Variants in SOX5 observed in about 807,000 individuals in gnomAD.
The protein encoded by SOX5 is SRY-box transcription factor 5.
In SOX5, 9 loss-of-function variants were observed where a neutral mutation model predicts 92.0. The observed-to-expected ratio is 0.10, with a 90% CI of 0.06 to 0.17. The LOEUF is 0.17. SOX5 is among the 10% of genes least tolerant of loss of function. SOX5 has a pLI of 1.00. For missense variants in SOX5, 642 were observed against 944.5 expected (o/e 0.68, Z 4.20); for synonymous variants, 344 against 336.3 (o/e 1.02, Z -0.25).
At chr12:24,071,626 G>A (rs1334437516) in intron 4 of SOX5, among the ~76,000 whole-genome samples, 3 of 152,002 alleles carry the variant, frequency 2.0e-5, no homozygotes, top group African/African-American at 7.3e-5. Context: ...AGTAGAGACG[G>A]GGTTTTACCA....
At chr12:23,720,736 T>C (rs561345763) in intron 6 of SOX5, among the ~76,000 whole-genome samples, 1 of 152,352 alleles carries the variant, frequency 6.6e-6, no homozygotes, top group East Asian at 1.9e-4. Flanking sequence ...CTAATTGTTC[T>C]CTTAAAAACG....
chr12:24,534,136 T>G (rs1951429481), intron 1 of SOX5, among the ~76,000 whole-genome samples: 1 of 152,208 alleles, frequency 6.6e-6, no homozygotes, highest in Admixed American at 6.5e-5. Flanking sequence ...GGAAGAAACT[T>G]TGAAAAGAGA....
intron 1 of SOX5, among the ~76,000 whole-genome samples, chr12:24,395,799 T>A (rs943076569): frequency 6.6e-5 from 10 of 152,198 alleles, no homozygotes; most frequent in Non-Finnish European, 1.3e-4. Flanking sequence ...TCTAGAAGTC[T>A]CTAGCTGAAA....
chr12:23,563,265 G>A lies in SOX5; in HGVS notation c.1481C>T (p.Thr494Ile), dbSNP rs752462967. The A allele has an allele frequency of 1.1e-5, 18 of 1,611,446 alleles. No homozygotes were observed. In the East Asian group the frequency reaches 4.0e-4, roughly 36 times the overall value. ...VNSLGLNNCR[T>I]EKEKTTLESL... is the part of the protein sequence containing the mutation. The stretch of plus-strand genomic sequence containing the variant: ...GTTATTTTATGAACTGACCTTTTCT[G>A]TTCGGCAGTTATTGAGACCCAGACT... The change falls in exon 11 of 15, where the codon ACA (threonine) becomes ATA (isoleucine). Residue 494 changes from threonine (T) to isoleucine (I), a missense_variant. Physicochemically the swap from Thr to Ile is moderately conservative, Grantham distance 89 (BLOSUM62 -1). Coordinates refer to ENST00000451604, the MANE Select transcript of SOX5 (RefSeq NM_006940.6).
intron 3 of SOX5, among the ~76,000 whole-genome samples, chr12:23,834,071 A>G (rs1425515052): frequency 6.6e-6 from 1 of 151,990 alleles, no homozygotes; most frequent in Non-Finnish European, 1.5e-5. Context: ...AACTATAGAG[A>G]TGAGTTAGCA....
At chr12:23,584,570 C>G in intron 9 of SOX5, 1 of 1,611,470 alleles carries the variant, frequency 6.2e-7, no homozygotes, top group Non-Finnish European at 8.5e-7. Context: ...TCCTATGGCA[C>G]AAATCTCCAA....
intron 2 of SOX5, among the ~76,000 whole-genome samples, chr12:24,340,223 C>T (rs948931010): frequency 3.3e-5 from 5 of 152,188 alleles, no homozygotes; most frequent in Admixed American, 1.3e-4. Context: ...TTTTAAACCA[C>T]GCAAGTTATA....
At chr12:23,932,579 A>T (rs191747344) in intron 1 of SOX5, among the ~76,000 whole-genome samples, 5 of 151,818 alleles carry the variant, frequency 3.3e-5, no homozygotes, top group Non-Finnish European at 7.4e-5. Context: ...AAAGAAAGAA[A>T]TAGAAAGTGA....
rs1349228881 is a variant in SOX5, at chr12:23,865,401, C to T, written c.271-19208G>A. ...TTAAGAAATACATTTTGGGGCCAAG[C>T]ACGGTGGCCCATGCCTGTAATCACA... On this transcript the variant is annotated intron_variant, in intron 2 of 14. Transcript: ENST00000451604. Among the ~76,000 whole-genome samples, 4 of 152,172 alleles carry T rather than the reference C, an allele frequency of 2.6e-5. No individual in the cohort carries two copies. In the East Asian group the frequency reaches 7.7e-4, roughly 29 times the overall value.
intron 1 of SOX5, among the ~76,000 whole-genome samples, chr12:23,919,723 G>A (rs1289318874): frequency 6.6e-6 from 1 of 152,150 alleles, no homozygotes; most frequent in Non-Finnish European, 1.5e-5. Context: ...TCAGTAGCAG[G>A]GCAGGATTCG....
intron 1 of SOX5, among the ~76,000 whole-genome samples, chr12:24,505,337 G>A (rs899298029): frequency 6.6e-6 from 1 of 152,154 alleles, no homozygotes; most frequent in Non-Finnish European, 1.5e-5. Context: ...TGACATGGGA[G>A]CTTGTTGGAG....
At position 24,112,909 on chromosome 12, in the gene SOX5, T is replaced by TTAGGG. The variant is rs1565461092; in HGVS notation, c.-2+100433_-2+100434insCCCTA. Among the ~76,000 whole-genome samples, 3 of 152,042 alleles carry TTAGGG rather than the reference T, an allele frequency of 2.0e-5. No homozygotes were observed. The East Asian group carries it at 5.8e-4, about 29-fold the overall frequency. ...GAAATAACGGTCTTTAGGGTTCCAT[T>TTAGGG]TTTTTTCAATATGTGGAAGTTTATT... is the stretch of plus-strand genomic sequence containing the variant. On this transcript the variant is annotated intron_variant, in intron 4 of 4. Transcript: ENST00000446891.
intron 4 of SOX5, among the ~76,000 whole-genome samples, chr12:23,989,915 G>A (rs939402243): frequency 2.6e-5 from 4 of 151,950 alleles, no homozygotes; most frequent in African/African-American, 7.3e-5. Context: ...ACAATCAGAA[G>A]TACCTCAACT....
chr12:24,098,899 C>T lies in SOX5; in HGVS notation c.-2+114444G>A, dbSNP rs1002850433. ...CTGGGTATCTTATGTGCCCTCCACC[C>T]AAGTACAGCTTTCTTGTTCACTGGG... is the stretch of plus-strand genomic sequence containing the variant. On this transcript the variant is annotated intron_variant, in intron 4 of 4. Coordinates refer to the SOX5 transcript ENST00000446891. Among the ~76,000 whole-genome samples, 3 of 152,154 alleles carry T rather than the reference C, an allele frequency of 2.0e-5. No homozygotes were observed. In the East Asian group the frequency reaches 5.8e-4, roughly 29 times the overall value.
chr12:23,609,346 TG>T (rs1356027639), intron 8 of SOX5, among the ~76,000 whole-genome samples: 6 of 152,210 alleles, frequency 3.9e-5, no homozygotes, highest in Admixed American at 3.9e-4. Flanking sequence ...ATATATATGA[TG>T]TTTTTTAGCC....
chr12:24,045,601 A>G (rs1037190060), intron 4 of SOX5, among the ~76,000 whole-genome samples: 1 of 152,168 alleles, frequency 6.6e-6, no homozygotes, highest in Non-Finnish European at 1.5e-5. Context: ...TGCCGGCCAG[A>G]AGACAACCTT....
At chr12:23,939,109 T>A (rs77273138) in intron 1 of SOX5, among the ~76,000 whole-genome samples, 5,615 of 151,148 alleles carry the variant, frequency 0.037, 148 homozygotes, top group East Asian at 0.094. Context: ...TATTTATTTT[T>A]AAGTCCATTC....
intron 4 of SOX5, among the ~76,000 whole-genome samples, chr12:24,124,144 G>T (rs1054973895): frequency 6.6e-6 from 1 of 151,906 alleles, no homozygotes; most frequent in African/African-American, 2.4e-5. Context: ...ATCCTCCTTT[G>T]GTCCCACCTG....
At chr12:23,983,047 C>A (rs1375178421) in intron 4 of SOX5, among the ~76,000 whole-genome samples, 1 of 151,490 alleles carries the variant, frequency 6.6e-6, no homozygotes, top group Non-Finnish European at 1.5e-5. Context: ...CTGAGTTAGT[C>A]TTGGACAGCA....
Sources: allele counts gnomAD v4.1 joint callset (sites outside exome capture counted in the v4.1 genomes callset), GRCh38; gene constraint gnomAD v4.1.1; transcripts MANE v1.5; gene names NCBI Gene and HGNC (gene_info 2026-07-23, HGNC 2026-07-21).